The following NCKAP1 variants were observed in gnomAD, a reference collection of about 807,000 sequenced individuals.
NCKAP1 encodes nck-associated protein 1.
In NCKAP1, 21 loss-of-function variants were observed where a neutral mutation model predicts 151.2. The observed-to-expected ratio is 0.14, with a 90% CI of 0.10 to 0.20. The LOEUF (loss-of-function observed/expected upper bound fraction) is 0.20, where lower values mean the gene tolerates loss of function less well. Among genes scored for constraint, NCKAP1 ranks in the 10% least tolerant of loss-of-function variants. The probability of loss-of-function intolerance (pLI) is 1.00; values close to 1 mark genes in which losing one functional copy is unlikely to be tolerated. For synonymous variants in NCKAP1, 484 were observed against 451.8 expected (o/e 1.07, Z -0.90); for missense variants, 933 against 1,352.1 (o/e 0.69, Z 4.86).
Position 182,976,935 on chromosome 2 carries a change from T to C in NCKAP1, c.1440A>G (p.Val480=). Residue 480 remains valine (V), a synonymous_variant, in exon 15 of 31, where the codon GTA becomes GTG. Coordinates refer to ENST00000361354, the MANE Select transcript of NCKAP1 (RefSeq NM_013436.5). The part of the protein sequence containing the change: ...LSVKQVEDGE[V]FDFRGMRLDW... ...CTAATCTCATTCCTCTGAAATCAAA[T>C]ACTTCCCCATCTTCAACTGTAGTAA... is the stretch of plus-strand genomic sequence containing the variant. 1 of 1,540,120 alleles carries C rather than the reference T, an allele frequency of 6.5e-7. No homozygotes were observed. Among genetic ancestry groups the C allele is most frequent in the Non-Finnish European group, 8.8e-7 (1 of 1,139,988 alleles).
rs928066164 is a variant in NCKAP1, at chr2:182,916,735, T to C, written c.*8967A>G. 6.6e-6 allele frequency: 1 copy of C among 152,204 alleles called. No homozygotes were observed. Among genetic ancestry groups the C allele is most frequent in the Non-Finnish European group, 1.5e-5 (1 of 68,030 alleles). 9.4% of individuals were successfully genotyped at this position (152,204 alleles called of 1,614,324 possible). A position where few individuals can be genotyped will look rare whatever the true frequency, so the allele number is the denominator to read the frequency against. On this transcript the variant is annotated 3_prime_UTR_variant, in exon 31 of 31. Transcript: ENST00000361354. ...ATTGTTCTGGATACTGCAATAACAT[T>C]TGAAAATACAAGCTTTACATCTTAT...
chr2:182,950,579 A>G (rs929253861), intron 23 of NCKAP1, among the ~76,000 whole-genome samples: 8 of 152,034 alleles, frequency 5.3e-5, no homozygotes, highest in Non-Finnish European at 1.0e-4. Flanking sequence ...ACAACCATAT[A>G]AAGTTTATAA....
In NCKAP1 at chr2:182,911,435, A is replaced by C. The variant is rs1696392861; in HGVS notation, c.*14267T>G. 1 of 152,224 alleles carries C rather than the reference A, an allele frequency of 6.6e-6. No homozygotes were observed. The highest frequency in any genetic ancestry group is 2.4e-5 in the African/African-American group (1 of 41,464). The allele number at this position is 152,224 out of a possible 1,614,324, so 9.4% of individuals were successfully genotyped here. A position where few individuals can be genotyped will look rare whatever the true frequency, so the allele number is the denominator to read the frequency against. On this transcript the variant is annotated 3_prime_UTR_variant, in exon 31 of 31. Coordinates refer to ENST00000361354, the MANE Select transcript of NCKAP1 (RefSeq NM_013436.5). ...TATACTATATGAATAAGACCAAAAA[A>C]TGGCCATCAGTTCATGACTTTATTA...
At chr2:183,010,761 T>C (rs1056066287) in intron 2 of NCKAP1, among the ~76,000 whole-genome samples, 9 of 152,198 alleles carry the variant, frequency 5.9e-5, no homozygotes, top group Non-Finnish European at 1.3e-4. Context: ...GTTGGTCAAG[T>C]GTAACATTTT....
chr2:183,008,420 A>T (rs904579298), intron 2 of NCKAP1, among the ~76,000 whole-genome samples: 2 of 152,186 alleles, frequency 1.3e-5, no homozygotes, highest in African/African-American at 2.4e-5. Context: ...CAATTAGAAT[A>T]AAAAAATAAT....
chr2:182,982,942 G>A lies in NCKAP1; in HGVS notation c.1102-15C>T. 6.4e-7 allele frequency: 1 copy of A among 1,554,942 alleles called. No homozygotes were observed. The highest frequency in any genetic ancestry group is 2.3e-5 in the East Asian group (1 of 44,254). On this transcript the variant is annotated splice_polypyrimidine_tract_variant and intron_variant, in intron 11 of 30. Coordinates refer to ENST00000361354, the MANE Select transcript of NCKAP1 (RefSeq NM_013436.5). ...ACAAAAAGTGCCTGTTTAAAAAAAA[G>A]TAAGTGTTTATTCTTATTCAAAGAT...
intron 1 of NCKAP1, among the ~76,000 whole-genome samples, chr2:183,032,254 C>T (rs1349876529): frequency 6.6e-6 from 1 of 152,170 alleles, no homozygotes; most frequent in Non-Finnish European, 1.5e-5. Context: ...TAGAATCTAG[C>T]TCTCTCAACT....
intron 18 of NCKAP1, among the ~76,000 whole-genome samples, chr2:182,959,808 G>A (rs1697405566): frequency 6.6e-6 from 1 of 152,200 alleles, no homozygotes; most frequent in Admixed American, 6.5e-5. Context: ...GTCACTGTTT[G>A]CAGGGGACAT....
intron 23 of NCKAP1, among the ~76,000 whole-genome samples, chr2:182,950,392 ATTC>A (rs1321055005): frequency 6.6e-6 from 1 of 152,206 alleles, no homozygotes; most frequent in Non-Finnish European, 1.5e-5. Flanking sequence ...CAGAGCCATA[ATTC>A]TTCTATTATC....
chr2:182,941,832 T>C lies in NCKAP1; in HGVS notation c.2695+238A>G, dbSNP rs1275026264. ...AAAACCAAATTGATACTGGTAATATTCATGAACTAGCGACACATAGTAGAC... is the reference window on the plus strand; with the variant it reads ...AAAACCAAATTGATACTGGTAATATCCATGAACTAGCGACACATAGTAGAC... On this transcript the variant is annotated intron_variant, in intron 24 of 30. Coordinates refer to ENST00000361354, the MANE Select transcript of NCKAP1 (RefSeq NM_013436.5). Among the ~76,000 whole-genome samples the C allele has an allele frequency of 2.0e-5, 3 of 152,336 alleles. No homozygotes were observed. In the East Asian group the frequency reaches 5.8e-4, roughly 29 times the overall value.
chr2:183,007,855 G>A lies in NCKAP1; in HGVS notation c.220-4530C>T, dbSNP rs143722212. Among the ~76,000 whole-genome samples the A allele has an allele frequency of 2.2e-3, 330 of 152,234 alleles. 2 individuals carry two copies. The highest frequency in any genetic ancestry group is 7.7e-3 in the African/African-American group (320 of 41,546). On this transcript the variant is annotated intron_variant, in intron 2 of 30. Coordinates refer to ENST00000361354, the MANE Select transcript of NCKAP1 (RefSeq NM_013436.5). The stretch of plus-strand genomic sequence containing the variant: ...GGACTCCTACGGTAGCACCCTAACT[G>A]GTCTCTGTATTTCTCCTCTTGCCTC...
chr2:182,946,739 C>CAA (rs5836861), intron 23 of NCKAP1, among the ~76,000 whole-genome samples: 27,579 of 132,246 alleles, frequency 0.21, 3,276 homozygotes, highest in African/African-American at 0.3. Flanking sequence ...ATAAACCTAC[C>CAA]AAAAAAAAAA....
chr2:182,964,894 G>A, intron 16 of NCKAP1, 86 bp from the exon 17 acceptor site: 1 of 1,041,782 alleles, frequency 9.6e-7, no homozygotes, highest in South Asian at 2.0e-5. Flanking sequence ...TGATTCAAGT[G>A]AATGAATGAT....
At chr2:182,988,562 ATTAT>A in intron 9 of NCKAP1, among the ~76,000 whole-genome samples, 2 of 152,334 alleles carry the variant, frequency 1.3e-5, no homozygotes, top group East Asian at 1.9e-4. Flanking sequence ...GTGGAATACT[ATTAT>A]TTAAATAAAA....
Position 183,038,261 on chromosome 2 carries a change from G to A in NCKAP1, c.-162C>T. On this transcript the variant is annotated 5_prime_UTR_variant, in exon 1 of 31. Transcript: ENST00000361354. ...GCGCCCCAATCCCGCGCCGGCGACAGAGCGAGCCGCGGCGGACTCCTCGGA... is the reference window on the plus strand; with the variant it reads ...GCGCCCCAATCCCGCGCCGGCGACAAAGCGAGCCGCGGCGGACTCCTCGGA... 6.8e-6 allele frequency: 3 copies of A among 443,880 alleles called. No homozygotes were observed. The highest frequency in any genetic ancestry group is 4.8e-5 in the South Asian group (1 of 20,688). 27.5% of individuals were successfully genotyped at this position (443,880 alleles called of 1,614,324 possible).
intron 8 of NCKAP1, 64 bp from the exon 9 acceptor site, chr2:182,989,250 T>C (rs536040986): frequency 4.4e-6 from 6 of 1,366,432 alleles, no homozygotes; most frequent in African/African-American, 2.9e-5. Context: ...TTGGTGACAG[T>C]GTAGCTTTTG....
At chr2:183,020,521 ATC>A (rs1374894341) in intron 2 of NCKAP1, among the ~76,000 whole-genome samples, 2 of 151,860 alleles carry the variant, frequency 1.3e-5, no homozygotes, top group Non-Finnish European at 2.9e-5. Context: ...TTCACCAGAA[ATC>A]TGTTTTTATG....
chr2:183,005,418 A>G (rs10497618), intron 2 of NCKAP1, among the ~76,000 whole-genome samples: 93,428 of 151,966 alleles, frequency 0.61, 32,019 homozygotes, highest in East Asian at 0.86. Flanking sequence ...CCATATTAAG[A>G]ACCTAAGACC....
intron 26 of NCKAP1, among the ~76,000 whole-genome samples, chr2:182,932,821 T>TC (rs1455558965): frequency 2.0e-5 from 3 of 152,172 alleles, no homozygotes; most frequent in Non-Finnish European, 4.4e-5. Context: ...TTTGTCTCCT[T>TC]AACTTTATTT....
Sources: gnomAD v4.1 joint callset for allele counts (sites outside exome capture counted in the v4.1 genomes callset) on GRCh38, gnomAD v4.1.1 for gene constraint, MANE v1.5 for transcripts, NCBI Gene and HGNC (gene_info 2026-07-23, HGNC 2026-07-21) for gene names.